The following EPHA3 variants were observed in gnomAD, a reference collection of about 807,000 sequenced individuals.
The protein encoded by EPHA3 is ephrin type-A receptor 3.
In EPHA3, 42 loss-of-function variants were observed where a neutral mutation model predicts 107.1. The observed-to-expected ratio is 0.39, with a 90% CI of 0.31 to 0.51. The LOEUF (loss-of-function observed/expected upper bound fraction) is 0.51, where lower values mean the gene tolerates loss of function less well. Among genes scored for constraint, EPHA3 ranks in the 20% least tolerant of loss-of-function variants. EPHA3 has a pLI of 0.78. For synonymous variants in EPHA3, 461 were observed against 424.8 expected (o/e 1.09, Z -1.05); for missense variants, 1,183 against 1,211.2 (o/e 0.98, Z 0.35).
chr3:89,383,806 G>A (rs1156592662), intron 5 of EPHA3, among the ~76,000 whole-genome samples: 1 of 151,478 alleles, frequency 6.6e-6, no homozygotes, highest in East Asian at 2.0e-4. Context: ...CCGCCACCAC[G>A]CCCGGCTAAT....
intron 11 of EPHA3, among the ~76,000 whole-genome samples, chr3:89,423,219 C>T (rs1383611211): frequency 6.6e-6 from 1 of 151,286 alleles, no homozygotes; most frequent in Non-Finnish European, 1.5e-5. Context: ...TGTAACTTTG[C>T]ATTATTGAGG....
intron 3 of EPHA3, among the ~76,000 whole-genome samples, chr3:89,272,158 T>G (rs79975823): frequency 0.034 from 5,200 of 151,996 alleles, 301 homozygotes; most frequent in African/African-American, 0.12. Flanking sequence ...ATTAGTAAAG[T>G]TTTTGAAAAG....
intron 3 of EPHA3, among the ~76,000 whole-genome samples, chr3:89,252,092 T>C (rs553437236): frequency 6.6e-6 from 1 of 152,306 alleles, no homozygotes; most frequent in East Asian, 1.9e-4. Context: ...GAAAAACATG[T>C]CACAGTTATA....
At chr3:89,263,165 C>G (rs1240305371) in intron 3 of EPHA3, among the ~76,000 whole-genome samples, 3 of 151,754 alleles carry the variant, frequency 2.0e-5, no homozygotes, top group Non-Finnish European at 4.4e-5. Context: ...GATTCCCTCC[C>G]TGTGTCCATG....
At chr3:89,264,471 G>T (rs1200436778) in intron 3 of EPHA3, among the ~76,000 whole-genome samples, 1 of 151,994 alleles carries the variant, frequency 6.6e-6, no homozygotes, top group Non-Finnish European at 1.5e-5. Context: ...CGTACCCCTT[G>T]CTCAGTGAAA....
chr3:89,321,145 C>T (rs770528504), intron 3 of EPHA3, among the ~76,000 whole-genome samples: 27 of 151,998 alleles, frequency 1.8e-4, no homozygotes, highest in Admixed American at 5.3e-4. Flanking sequence ...TAAACTGACC[C>T]AGGAACAATT....
intron 2 of EPHA3, among the ~76,000 whole-genome samples, chr3:89,128,811 T>G (rs1164846876): frequency 6.6e-6 from 1 of 152,012 alleles, no homozygotes; most frequent in Non-Finnish European, 1.5e-5. Flanking sequence ...GTCTGGCTTA[T>G]GTTTTCCTTT....
intron 16 of EPHA3, among the ~76,000 whole-genome samples, chr3:89,478,078 A>T (rs1184909456): frequency 1.3e-5 from 2 of 152,214 alleles, no homozygotes; most frequent in Non-Finnish European, 2.9e-5. Context: ...CCTGAAAGAC[A>T]GGAATATATG....
At chr3:89,309,480 T>A (rs867238821) in intron 3 of EPHA3, among the ~76,000 whole-genome samples, 1 of 151,942 alleles carries the variant, frequency 6.6e-6, no homozygotes, top group Non-Finnish European at 1.5e-5. Flanking sequence ...TAATTCTGAG[T>A]TTTAGCCTCT....
At chr3:89,300,814 T>C (rs1706468059) in intron 3 of EPHA3, among the ~76,000 whole-genome samples, 1 of 152,002 alleles carries the variant, frequency 6.6e-6, no homozygotes, top group South Asian at 2.1e-4. Flanking sequence ...AGGGAACCTC[T>C]CAAATAAAAT....
intron 2 of EPHA3, among the ~76,000 whole-genome samples, chr3:89,187,231 T>C (rs1048084298): frequency 2.0e-5 from 3 of 150,494 alleles, no homozygotes; most frequent in African/African-American, 7.3e-5. Context: ...ATATTTATAA[T>C]ATGCTTAATG....
At chr3:89,429,278 G>A in intron 12 of EPHA3, 111 bp downstream of exon 12, 2 of 750,990 alleles carry the variant, frequency 2.7e-6, no homozygotes, top group Non-Finnish European at 4.2e-6. Context: ...AAGTAAAACT[G>A]AAATCTTCTG....
chr3:89,341,866 T>C lies in EPHA3; in HGVS notation c.1082T>C (p.Ile361Thr). The part of the protein sequence containing the change: ...TGGRKDVTFN[I>T]ICKKCGWNIK... ...GGCCGGAAAGATGTTACCTTCAACA[T>C]CATATGTAAAAAATGTGGGTGGAAT... The change falls in exon 5 of 17, where the codon ATC becomes ACC. Residue 361 changes from isoleucine to threonine, a missense_variant. Ile to Thr is a moderately conservative substitution (Grantham distance 89). Transcript: ENST00000336596. The C allele has an allele frequency of 1.2e-6, 2 of 1,613,810 alleles. No homozygotes were observed. Among genetic ancestry groups the C allele is most frequent in the Non-Finnish European group, 1.7e-6 (2 of 1,179,988 alleles).
intron 3 of EPHA3, among the ~76,000 whole-genome samples, chr3:89,218,291 T>TC (rs1443336658): frequency 2.5e-5 from 2 of 80,228 alleles, no homozygotes; most frequent in Non-Finnish European, 4.7e-5. Context: ...CCCTCCCCCC[T>TC]CCCCCCACCC....
intron 2 of EPHA3, among the ~76,000 whole-genome samples, chr3:89,185,910 A>G (rs1242970292): frequency 6.6e-6 from 1 of 152,038 alleles, no homozygotes; most frequent in African/African-American, 2.4e-5. Context: ...ATAGCCCCTC[A>G]TTGTCTATTA....
intron 2 of EPHA3, among the ~76,000 whole-genome samples, chr3:89,189,128 G>A (rs1705642096): frequency 6.6e-6 from 1 of 152,158 alleles, no homozygotes. Context: ...ATAAATTTTA[G>A]TCTTTCTCAG....
intron 15 of EPHA3, among the ~76,000 whole-genome samples, chr3:89,471,207 C>T (rs1710394176): frequency 6.6e-6 from 1 of 151,804 alleles, no homozygotes; most frequent in African/African-American, 2.4e-5. Context: ...GACATTTCAC[C>T]AACAGTCTGC....
At chr3:89,293,576 G>A (rs1706270107) in intron 3 of EPHA3, among the ~76,000 whole-genome samples, 1 of 152,102 alleles carries the variant, frequency 6.6e-6, no homozygotes, top group Non-Finnish European at 1.5e-5. Flanking sequence ...CTTGGTGGGA[G>A]GTGATTGGGT....
intron 2 of EPHA3, among the ~76,000 whole-genome samples, chr3:89,170,940 A>ATT (rs35361512): frequency 0.5 from 73,088 of 146,976 alleles, 19,557 homozygotes; most frequent in Admixed American, 0.62. Context: ...CTTTAAAACC[A>ATT]TTTTTTTTTT....
Sources: allele counts gnomAD v4.1 joint callset (sites outside exome capture counted in the v4.1 genomes callset), GRCh38; gene constraint gnomAD v4.1.1; transcripts MANE v1.5; gene names NCBI Gene and HGNC (gene_info 2026-07-23, HGNC 2026-07-21).